The following GSE1 variants were observed in gnomAD, a reference collection of about 807,000 sequenced individuals.
GSE1 encodes the protein Gse1 coiled-coil protein, also known as genetic suppressor element 1.
A neutral mutation model predicts 112.6 loss-of-function variants in GSE1; 32 were observed. The observed-to-expected ratio is 0.28, with a 90% CI of 0.21 to 0.38. The LOEUF (loss-of-function observed/expected upper bound fraction) is 0.38. GSE1 is among the 10% of genes least tolerant of loss of function. The probability of loss-of-function intolerance (pLI) is 1.00; values close to 1 mark genes in which losing one functional copy is unlikely to be tolerated. For missense variants in GSE1, 2,348 were observed against 1,699.2 expected (o/e 1.38, Z -6.71); for synonymous variants, 1,115 against 735.6 (o/e 1.52, Z -8.35).
At chr16:85,310,512 CCCTCCTCCCA>C (rs1171169180) in intron 1 of GSE1, among the ~76,000 whole-genome samples, 2 of 151,406 alleles carry the variant, frequency 1.3e-5, no homozygotes, top group African/African-American at 4.9e-5. Context: ...TGCCCCTCCC[CCCTCCTCCCA>C]CCTCCTCCTT....
intron 1 of GSE1, among the ~76,000 whole-genome samples, chr16:85,573,703 C>T (rs975904584): frequency 3.9e-5 from 6 of 152,170 alleles, no homozygotes; most frequent in African/African-American, 9.7e-5. Flanking sequence ...TCACAGTGGG[C>T]GCGTCCGGAG....
intron 3 of GSE1, among the ~76,000 whole-genome samples, chr16:85,653,937 G>C (rs942467737): frequency 6.6e-6 from 1 of 152,270 alleles, no homozygotes; most frequent in African/African-American, 2.4e-5. Context: ...TCCACACCAG[G>C]AGGGGTGGAG....
chr16:85,529,573 C>CA (rs1004992056), intron 2 of GSE1, among the ~76,000 whole-genome samples: 18 of 152,296 alleles, frequency 1.2e-4, no homozygotes, highest in African/African-American at 4.3e-4. Context: ...AGAGGGCAGG[C>CA]ACCCTCCTAT....
chr16:85,605,032 T>C (rs969993224), intron 1 of GSE1, among the ~76,000 whole-genome samples: 2 of 149,458 alleles, frequency 1.3e-5, no homozygotes, highest in East Asian at 2.0e-4. Context: ...TTAGCCAGGA[T>C]GGTCTCGATC....
At chr16:85,187,112 C>T (rs543217586) in intron 1 of GSE1, among the ~76,000 whole-genome samples, 4 of 152,332 alleles carry the variant, frequency 2.6e-5, no homozygotes, top group Admixed American at 2.6e-4. Flanking sequence ...GTTTCTGTCG[C>T]CTCCAGGTCT....
intron 2 of GSE1, among the ~76,000 whole-genome samples, chr16:85,415,321 A>G (rs909225207): frequency 2.0e-5 from 3 of 152,208 alleles, no homozygotes; most frequent in Admixed American, 6.5e-5. Flanking sequence ...CTTCATGTCT[A>G]CAGAGGACCT....
At chr16:85,502,854 C>A (rs577114271) in intron 2 of GSE1, among the ~76,000 whole-genome samples, 1 of 152,258 alleles carries the variant, frequency 6.6e-6, no homozygotes, top group Non-Finnish European at 1.5e-5. Flanking sequence ...GCCCTGGGGA[C>A]CAGGAGCAAG....
chr16:85,364,958 C>T (rs1389420096), intron 2 of GSE1, among the ~76,000 whole-genome samples: 1 of 152,230 alleles, frequency 6.6e-6, no homozygotes, highest in Non-Finnish European at 1.5e-5. Flanking sequence ...GTCCTGTGTA[C>T]TGTGGTTCTG....
At chr16:85,478,939 TTC>T (rs2050582171) in intron 2 of GSE1, among the ~76,000 whole-genome samples, 4 of 119,314 alleles carry the variant, frequency 3.4e-5, no homozygotes, top group Non-Finnish European at 5.3e-5. Context: ...CTTTCTTTCT[TTC>T]TTTCTTTTTT....
intron 2 of GSE1, among the ~76,000 whole-genome samples, chr16:85,541,906 T>G (rs1363340400): frequency 6.6e-6 from 1 of 152,214 alleles, no homozygotes; most frequent in East Asian, 1.9e-4. Context: ...GGGCTGAGCA[T>G]GAGGGAAGGC....
chr16:85,611,653 G>A, upstream of GSE1: 1 of 223,640 alleles, frequency 4.5e-6, no homozygotes, highest in African/African-American at 2.3e-5. Flanking sequence ...TCCGGGCCCC[G>A]GCGCGCGCTC....
chr16:85,506,075 C>T (rs1203756265), intron 2 of GSE1, among the ~76,000 whole-genome samples: 2 of 152,146 alleles, frequency 1.3e-5, no homozygotes, highest in Non-Finnish European at 2.9e-5. Context: ...TGAGTCGAAC[C>T]AGGCACCCAC....
chr16:85,218,321 C>T (rs2075337743), intron 1 of GSE1, among the ~76,000 whole-genome samples: 2 of 152,200 alleles, frequency 1.3e-5, no homozygotes, highest in African/African-American at 4.8e-5. Flanking sequence ...GTGTGTTACC[C>T]TGTGACTCGG....
At chr16:85,202,069 T>G (rs2075038610) in intron 1 of GSE1, among the ~76,000 whole-genome samples, 2 of 152,212 alleles carry the variant, frequency 1.3e-5, no homozygotes, top group African/African-American at 4.8e-5. Flanking sequence ...GTGGCGGGCC[T>G]TAGCTGAGCT....
At chr16:85,246,404 TAC>T (rs111501333) in intron 1 of GSE1, among the ~76,000 whole-genome samples, 41,412 of 54,898 alleles carry the variant, frequency 0.75, 15,835 homozygotes, top group East Asian at 0.96. Flanking sequence ...ACACGCTGTC[TAC>T]ACACACACAC....
At chr16:85,458,027 A>G (rs1210239769) in intron 2 of GSE1, among the ~76,000 whole-genome samples, 1 of 152,186 alleles carries the variant, frequency 6.6e-6, no homozygotes, top group Non-Finnish European at 1.5e-5. Flanking sequence ...CAGTGACCCC[A>G]TCCTGGTGCA....
chr16:85,284,601 C>T (rs189338152), intron 1 of GSE1, among the ~76,000 whole-genome samples: 57 of 152,310 alleles, frequency 3.7e-4, no homozygotes, highest in African/African-American at 1.1e-3. Flanking sequence ...ATGCTGTATT[C>T]GAGCCAGCGA....
chr16:85,207,763 CCT>C (rs2075145810), intron 1 of GSE1: 1 of 152,324 alleles, frequency 6.6e-6, no homozygotes, highest in Non-Finnish European at 1.5e-5. Flanking sequence ...TGACAGCCGA[CCT>C]CTCTGGGTCG....
intron 2 of GSE1, among the ~76,000 whole-genome samples, chr16:85,400,866 GTTGTGTGTGTCTCTGTGTGTGA>G (rs2048096441): frequency 1.3e-5 from 2 of 151,824 alleles, no homozygotes; most frequent in Admixed American, 6.6e-5. Context: ...GTCTGTGTAT[GTTGTGTGTGTCTCTGTGTGTGA>G]TTGTGGGTCT....
Sources: allele counts gnomAD v4.1 joint callset (sites outside exome capture counted in the v4.1 genomes callset), GRCh38; gene constraint gnomAD v4.1.1; transcripts MANE v1.5; gene names NCBI Gene and HGNC (gene_info 2026-07-23, HGNC 2026-07-21).